The following MANSC4 variants were observed in gnomAD, a reference collection of about 807,000 sequenced individuals.
MANSC4 encodes MANSC domain containing 4.
Under a neutral mutation model 11.4 loss-of-function variants are expected in MANSC4, and 11 were observed. The ratio of observed to expected loss-of-function variants is 0.97; its 90% confidence interval spans 0.61 to 1.60. The LOEUF (loss-of-function observed/expected upper bound fraction) is 1.60. Among genes scored for constraint, MANSC4 ranks in the 40% most tolerant of loss-of-function variants. The probability of loss-of-function intolerance (pLI) is 0.00; values close to 1 mark genes in which losing one functional copy is unlikely to be tolerated. For synonymous variants in MANSC4, 123 were observed against 147.1 expected (o/e 0.84, Z 1.19); for missense variants, 354 against 404.6 (o/e 0.88, Z 1.07).
intron 2 of MANSC4, among the ~76,000 whole-genome samples, chr12:27,768,131 G>C (rs1323319872): frequency 6.6e-6 from 1 of 152,142 alleles, no homozygotes; most frequent in African/African-American, 2.4e-5. Context: ...AGGCGCAGTG[G>C]CTCACACCTG....
At chr12:27,765,454 C>T (rs2062068255) in intron 3 of MANSC4, among the ~76,000 whole-genome samples, 1 of 152,180 alleles carries the variant, frequency 6.6e-6, no homozygotes, top group Admixed American at 6.5e-5. Flanking sequence ...CTTATCTTAG[C>T]CATATTTTCA....
chr12:27,766,744 G>T lies in MANSC4; in HGVS notation c.285C>A (p.Cys95Ter), dbSNP rs777236260. ...YHSPIHDNIN[C>*]LHVHCPTLES... is the part of the protein sequence containing the mutation. ...CCAGTGTTGGGCAGTGAACATGGAG[G>T]CAGTTGATATTGTCATGAATAGGAC... Residue 95 changes from cysteine to a stop codon, truncating the protein, a stop_gained, in exon 3 of 4, where the codon TGC (cysteine) becomes TGA (stop). Coordinates refer to ENST00000381273, the MANE Select transcript of MANSC4 (RefSeq NM_001146221.5). LOFTEE classifies it high-confidence loss of function. 1.7e-5 allele frequency: 26 copies of T among 1,551,582 alleles called. No homozygotes were observed. Among genetic ancestry groups the T allele is most frequent in the Non-Finnish European group, 1.9e-5 (22 of 1,146,960 alleles).
At position 27,780,102 on chromosome 12, in the gene MANSC4, C is replaced by A; in HGVS notation, c.-307+108G>T. 1 of 181,610 alleles carries A rather than the reference C, an allele frequency of 5.5e-6. No individual in the cohort carries two copies. The highest frequency in any genetic ancestry group is 1.1e-5 in the Non-Finnish European group (1 of 89,244). The allele number at this position is 181,610 out of a possible 1,614,324, so 11.2% of individuals were successfully genotyped here. A position where few individuals can be genotyped will look rare whatever the true frequency, so the allele number is the denominator to read the frequency against. ...GGACGCCCGCCGCGCTCCGCCGGCC[C>A]TTTTTTGGCGCTGAGGGAAAGGAGA... On this transcript the variant is annotated intron_variant, in intron 1 of 3. Transcript: ENST00000381273. This position sits in a 1 kb window ranked among gnomAD's most constrained non-coding sequence, Gnocchi z 8.8.
intron 3 of MANSC4, 103 bp from the exon 4 acceptor site, chr12:27,763,499 C>G: frequency 2.8e-6 from 3 of 1,054,396 alleles, no homozygotes; most frequent in South Asian, 3.4e-5. Flanking sequence ...TATGAGTTAT[C>G]GAACGAAGCT....
intron 1 of MANSC4, among the ~76,000 whole-genome samples, chr12:27,776,827 G>T (rs753706316): frequency 5.3e-5 from 8 of 152,174 alleles, no homozygotes; most frequent in Non-Finnish European, 1.2e-4. Flanking sequence ...CTGTTTTACA[G>T]ATAGTACCAC....
rs1238652098 is a variant in MANSC4 at position 27,771,568 on chromosome 12, G to C, written c.-292C>G. On this transcript the variant is annotated 5_prime_UTR_variant, in exon 2 of 4. Transcript: ENST00000381273. ...TCTTAAGACGTGCATTCTCTTTTCT[G>C]CTTTTCTTCTTTCTCTGAAAGTGAA... Among the ~76,000 whole-genome samples, 1 of 152,052 alleles carries C rather than the reference G, an allele frequency of 6.6e-6. No homozygotes were observed. The highest frequency in any genetic ancestry group is 1.5e-5 in the Non-Finnish European group (1 of 68,026).
chr12:27,776,528 A>G (rs1029809010), intron 1 of MANSC4, among the ~76,000 whole-genome samples: 1 of 151,934 alleles, frequency 6.6e-6, no homozygotes, highest in Non-Finnish European at 1.5e-5. Context: ...CCAGGAGTTC[A>G]AGACCAGCCT....
At chr12:27,779,567 G>C (rs181280114) in intron 1 of MANSC4, among the ~76,000 whole-genome samples, 1 of 152,058 alleles carries the variant, frequency 6.6e-6, no homozygotes, top group Non-Finnish European at 1.5e-5. Context: ...TCAGCTCTAC[G>C]TGCCACCAAC....
intron 1 of MANSC4, among the ~76,000 whole-genome samples, chr12:27,779,434 A>C (rs1172684320): frequency 6.6e-6 from 1 of 152,144 alleles, no homozygotes; most frequent in Non-Finnish European, 1.5e-5. Flanking sequence ...ACTTAGGGAG[A>C]ATAAGGGGCC....
chr12:27,768,158 G>A (rs1259980544), intron 2 of MANSC4, among the ~76,000 whole-genome samples: 1 of 152,040 alleles, frequency 6.6e-6, no homozygotes, highest in African/African-American at 2.4e-5. Context: ...TAGTACTTTG[G>A]GAGGCCAAGG....
intron 3 of MANSC4, among the ~76,000 whole-genome samples, chr12:27,766,123 AGTGGC>A (rs1210980471): frequency 2.0e-5 from 3 of 150,514 alleles, no homozygotes; most frequent in African/African-American, 7.3e-5. Flanking sequence ...GCTGGAGTGC[AGTGGC>A]GTGATCTCGG....
rs2062051662 is a variant in MANSC4 at position 27,762,614 on chromosome 12, G to C, written c.*124C>G. ...AAATCTACTGCCTTGGCTTCCCAAA[G>C]TTTTGGGATTACAGGCATGAACCAC... is the stretch of plus-strand genomic sequence containing the variant. On this transcript the variant is annotated 3_prime_UTR_variant, in exon 4 of 4. Coordinates refer to ENST00000381273, the MANE Select transcript of MANSC4 (RefSeq NM_001146221.5). 1.0e-6 allele frequency: 1 copy of C among 953,428 alleles called. No individual in the cohort carries two copies. 59.1% of individuals were successfully genotyped at this position (953,428 alleles called of 1,614,324 possible).
At chr12:27,776,859 A>G (rs1004745388) in intron 1 of MANSC4, among the ~76,000 whole-genome samples, 1 of 152,222 alleles carries the variant, frequency 6.6e-6, no homozygotes, top group African/African-American at 2.4e-5. Flanking sequence ...TTATTATTCA[A>G]TGATCAGTCA....
Position 27,780,224 on chromosome 12 carries a change from C to T in MANSC4, c.-321G>A. 3 of 1,117,012 alleles carry T rather than the reference C, an allele frequency of 2.7e-6. No individual in the cohort carries two copies. Among genetic ancestry groups the T allele is most frequent in the Non-Finnish European group, 3.5e-6 (3 of 861,082 alleles). The allele number at this position is 1,117,012 out of a possible 1,614,324, so 69.2% of individuals were successfully genotyped here. A position where few individuals can be genotyped will look rare whatever the true frequency, so the allele number is the denominator to read the frequency against. ...GCGGCCCTCACCTCGCCGCTCCTCC[C>T]GGGCCGCCATCCCTCGGCGCCCCGC... On this transcript the variant is annotated 5_prime_UTR_variant, in exon 1 of 4. Transcript: ENST00000381273. This position sits in a 1 kb window ranked among gnomAD's most constrained non-coding sequence, Gnocchi z 8.8.
intron 1 of MANSC4, among the ~76,000 whole-genome samples, chr12:27,772,695 CACCTGCAA>C (rs1268380319): frequency 2.0e-5 from 3 of 152,122 alleles, no homozygotes; most frequent in Non-Finnish European, 4.4e-5. Flanking sequence ...TTCAGTTGCT[CACCTGCAA>C]AGACTCAGAC....
intron 1 of MANSC4, among the ~76,000 whole-genome samples, chr12:27,773,104 A>G (rs557624351): frequency 6.6e-6 from 1 of 152,330 alleles, no homozygotes; most frequent in East Asian, 1.9e-4. Context: ...GCACTGTGGG[A>G]GGCTGAGGCA....
intron 1 of MANSC4, among the ~76,000 whole-genome samples, chr12:27,778,886 C>T (rs376861051): frequency 4.6e-5 from 7 of 152,078 alleles, no homozygotes; most frequent in African/African-American, 1.4e-4. Flanking sequence ...CTCTCTTTTC[C>T]GAGACGGCGT....
chr12:27,772,104 T>A (rs34311349), intron 1 of MANSC4, among the ~76,000 whole-genome samples: 24,950 of 152,156 alleles, frequency 0.16, 2,550 homozygotes, highest in Non-Finnish European at 0.23. Context: ...GAAATCTTTT[T>A]AAATTTCTAA....
chr12:27,764,185 T>C (rs2062061466), intron 3 of MANSC4, among the ~76,000 whole-genome samples: 1 of 152,192 alleles, frequency 6.6e-6, no homozygotes, highest in South Asian at 2.1e-4. Flanking sequence ...CTAACTCCTT[T>C]CCCTCTAACT....
Sources: allele counts gnomAD v4.1 joint callset (sites outside exome capture counted in the v4.1 genomes callset), GRCh38; gene constraint gnomAD v4.1.1; non-coding constraint Gnocchi (gnomAD v3.1); transcripts MANE v1.5; gene names NCBI Gene and HGNC (gene_info 2026-07-23, HGNC 2026-07-21).